HSPA5: variants seen among roughly 807,000 people sequenced by gnomAD.
HSPA5 encodes the protein heat shock protein family A (Hsp70) member 5.
A neutral mutation model predicts 49.5 loss-of-function variants in HSPA5; 16 were observed. The observed-to-expected ratio is 0.32, with a 90% CI of 0.22 to 0.49. The LOEUF (loss-of-function observed/expected upper bound fraction) is 0.49. HSPA5 is among the 20% of genes least tolerant of loss of function. HSPA5 has a pLI of 0.99. For missense variants in HSPA5, 376 were observed against 819.0 expected (o/e 0.46, Z 6.60); for synonymous variants, 271 against 307.2 (o/e 0.88, Z 1.23).
Position 125,237,130 on chromosome 9 carries a change from T to C in HSPA5, c.1427A>G (p.Asn476Ser). 1.9e-6 allele frequency: 3 copies of C among 1,608,538 alleles called. No individual in the cohort carries two copies. Among genetic ancestry groups the C allele is most frequent in the Non-Finnish European group, 2.5e-6 (3 of 1,176,998 alleles). Residue 476 changes from asparagine to serine, a missense_variant, in exon 8 of 8, where the codon AAT becomes AGT. Around this residue, in one of 8 missense-constraint regions of HSPA5, gnomAD observed 71 missense variants for 169.9 expected, o/e 0.42. Transcript: ENST00000324460. ...YEGERPLTKDNHLLGTFDLTG... is the reference protein window; with the variant it reads ...YEGERPLTKDSHLLGTFDLTG... ...CAGATCAAATGTACCCAGAAGATGA[T>C]TGTCTTTTGTCAGGGGTCTTTCACC... is the stretch of plus-strand genomic sequence containing the variant.
At position 125,236,633 on chromosome 9, in the gene HSPA5, G is replaced by T. The variant is rs757206987; in HGVS notation, c.1924C>A (p.Pro642Thr). Residue 642 changes from proline (P) to threonine (T), a missense_variant, in exon 8 of 8, where the codon CCA becomes ACA. By Grantham distance (38) the Pro-to-Thr change is conservative. This residue lies in a region of HSPA5 where 72 missense variants were observed against 87.8 expected (regional missense o/e 0.82). Transcript: ENST00000324460. ...SKLYGSAGPP[P>T]TGEEDTAEKD... ...TCTGCTGTATCCTCTTCACCAGTTG[G>T]GGGAGGGCCTGCACTTCCATAGAGT... 6.0e-5 allele frequency: 96 copies of T among 1,611,178 alleles called. 2 individuals are homozygous for T. The East Asian group carries it at 2.1e-3, about 36-fold the overall frequency.
At chr9:125,237,238 TAA>T (rs1832509466) in intron 7 of HSPA5, 84 bp from the exon 8 acceptor site, 1 of 1,006,484 alleles carries the variant, frequency 9.9e-7, no homozygotes, top group East Asian at 2.5e-5. Flanking sequence ...GTCTGAAGCA[TAA>T]AGTGACACTT....
Position 125,236,664 on chromosome 9 carries a change from G to A in HSPA5, c.1893C>T (p.Ile631=), listed in dbSNP as rs556708493. ...GGCCTGCACTTCCATAGAGTTTGCTGATAATTGGTTGAACAATTTCTTCCA... is the reference window on the plus strand; with the variant it reads ...GGCCTGCACTTCCATAGAGTTTGCTAATAATTGGTTGAACAATTTCTTCCA... ...KELEEIVQPI[I]SKLYGSAGPP... is the part of the protein sequence containing the mutation. Residue 631 remains isoleucine (I), a synonymous_variant, in exon 8 of 8, where the codon ATC becomes ATT. Transcript: ENST00000324460. 61 of 1,613,624 alleles carry A rather than the reference G, an allele frequency of 3.8e-5. No homozygotes were observed. In the South Asian group the frequency reaches 6.5e-4, roughly 17 times the overall value.
Position 125,240,924 on chromosome 9 carries a change from A to G in HSPA5, c.123-17T>C, listed in dbSNP as rs1186997170. On this transcript the variant is annotated splice_polypyrimidine_tract_variant and intron_variant, in intron 1 of 7. Transcript: ENST00000324460. The surrounding 1 kb of genome is among the most constrained non-coding windows in gnomAD (Gnocchi z 4.4). ...ACGCCGACGCTGGCAGAAAAACCCGACAGAGGGACATCAGCACCGCACTTC... is the reference window on the plus strand; with the variant it reads ...ACGCCGACGCTGGCAGAAAAACCCGGCAGAGGGACATCAGCACCGCACTTC... The G allele has an allele frequency of 6.2e-7, 1 of 1,613,502 alleles. No homozygotes were observed. Among genetic ancestry groups the G allele is most frequent in the South Asian group, 1.1e-5 (1 of 91,070 alleles).
rs370748231 is a variant in HSPA5 at position 125,239,944 on chromosome 9, G to A, written c.492+228C>T. ...TTAGTTTTTAAGCCAACTTATTGAT[G>A]AATACAACATATAAAATTTTATGTC... On this transcript the variant is annotated intron_variant, in intron 3 of 7. Transcript: ENST00000324460. The surrounding 1 kb of genome is among the most constrained non-coding windows in gnomAD (Gnocchi z 5.5). 3.3e-5 allele frequency among the ~76,000 whole-genome samples: 5 copies of A among 151,792 alleles called. No homozygotes were observed. In the South Asian group the frequency reaches 1.0e-3, roughly 32 times the overall value.
Position 125,240,972 on chromosome 9 carries a change from G to GC in HSPA5, c.122+32dup, listed in dbSNP as rs1554736420. 9.3e-6 allele frequency: 15 copies of GC among 1,611,496 alleles called. No homozygotes were observed. Among genetic ancestry groups the GC allele is most frequent in the Non-Finnish European group, 1.3e-5 (15 of 1,178,292 alleles). ...TTCTCACGCCAGGCCAGGCGGCCAC[G>GC]CCCCGTCCCCCTGCATCCGCAACCC... is the stretch of plus-strand genomic sequence containing the variant. On this transcript the variant is annotated intron_variant, in intron 1 of 7. Transcript: ENST00000324460. This position sits in a 1 kb window ranked among gnomAD's most constrained non-coding sequence, Gnocchi z 4.4.
chr9:125,240,442 A>G lies in HSPA5; in HGVS notation c.355-133T>C. On this transcript the variant is annotated intron_variant, in intron 2 of 7. Coordinates refer to ENST00000324460, the MANE Select transcript of HSPA5 (RefSeq NM_005347.5). This position sits in a 1 kb window ranked among gnomAD's most constrained non-coding sequence, Gnocchi z 4.4. Reference sequence around the variant, plus strand: ...CAAATTGACTAGAAATACTTCAGGGAGTATAGGTGTCTTACAAAGTTCAGT... The same window carrying G: ...CAAATTGACTAGAAATACTTCAGGGGGTATAGGTGTCTTACAAAGTTCAGT... 1.3e-6 allele frequency: 1 copy of G among 796,870 alleles called. No individual in the cohort carries two copies. Among genetic ancestry groups the G allele is most frequent in the Non-Finnish European group, 2.0e-6 (1 of 499,638 alleles). The allele number at this position is 796,870 out of a possible 1,614,324, so 49.4% of individuals were successfully genotyped here. A position where few individuals can be genotyped will look rare whatever the true frequency, so the allele number is the denominator to read the frequency against.
In HSPA5 at chr9:125,239,526, T is replaced by A; in HGVS notation, c.500A>T (p.His167Leu). The change falls in exon 4 of 8, where the codon CAT becomes CTT. Residue 167 changes from histidine (H) to leucine (L), a missense_variant. His to Leu is a moderately conservative substitution (Grantham distance 99, BLOSUM62 -3). Around this residue, in one of 8 missense-constraint regions of HSPA5, gnomAD observed 89 missense variants for 200.0 expected, o/e 0.44. Coordinates refer to ENST00000324460, the MANE Select transcript of HSPA5 (RefSeq NM_005347.5). The surrounding 1 kb of genome is among the most constrained non-coding windows in gnomAD (Gnocchi z 5.5). ...ATAGGCTGGTACAGTAACAACTGCA[T>A]GGGTAACCTAAAAGGATAAAAGATA... is the stretch of plus-strand genomic sequence containing the variant. ...AEAYLGKKVT[H>L]AVVTVPAYFN... The A allele has an allele frequency of 1.9e-6, 3 of 1,608,122 alleles. No individual in the cohort carries two copies. Among genetic ancestry groups the A allele is most frequent in the Non-Finnish European group, 2.6e-6 (3 of 1,174,556 alleles).
chr9:125,236,961 G>A lies in HSPA5; in HGVS notation c.1596C>T (p.Arg532=). 6.2e-7 allele frequency: 1 copy of A among 1,613,890 alleles called. No homozygotes were observed. Among genetic ancestry groups the A allele is most frequent in the Admixed American group, 1.7e-5 (1 of 59,998 alleles). The part of the protein sequence containing the change: ...NKITITNDQN[R]LTPEEIERMV... ...TCCTTTCGATTTCTTCAGGTGTCAG[G>A]CGATTCTGGTCATTGGTGATTGTGA... The change falls in exon 8 of 8, where the codon CGC becomes CGT. Residue 532 remains arginine, a synonymous_variant. Coordinates refer to ENST00000324460, the MANE Select transcript of HSPA5 (RefSeq NM_005347.5).
chr9:125,240,105 A>G lies in HSPA5; in HGVS notation c.492+67T>C. 3.7e-6 allele frequency: 5 copies of G among 1,347,088 alleles called. No individual in the cohort carries two copies. Among genetic ancestry groups the G allele is most frequent in the Non-Finnish European group, 5.1e-6 (5 of 972,696 alleles). The allele number at this position is 1,347,088 out of a possible 1,614,324, so 83.4% of individuals were successfully genotyped here. On this transcript the variant is annotated intron_variant, in intron 3 of 7. Coordinates refer to ENST00000324460, the MANE Select transcript of HSPA5 (RefSeq NM_005347.5). This position sits in a 1 kb window ranked among gnomAD's most constrained non-coding sequence, Gnocchi z 4.4. The stretch of plus-strand genomic sequence containing the variant: ...TTTGAAACCCTTCACGAAGGCTTCT[A>G]TACATAACAGCCAACCGAGAATACT...
At position 125,239,723 on chromosome 9, in the gene HSPA5, T is replaced by TAA. The variant is rs11432886; in HGVS notation, c.493-192_493-191dup. On this transcript the variant is annotated intron_variant, in intron 3 of 7. Transcript: ENST00000324460. The surrounding 1 kb of genome is among the most constrained non-coding windows in gnomAD (Gnocchi z 5.5). The stretch of plus-strand genomic sequence containing the variant: ...GAGAAACCCTGTCTCTACTGAAAAT[T>TAA]AAAAAAAAAAAAAAAAATTAGCCAG... 0.044 allele frequency among the ~76,000 whole-genome samples: 6,044 copies of TAA among 136,872 alleles called. 304 individuals are homozygous for TAA. Among genetic ancestry groups the TAA allele is most frequent in the African/African-American group, 0.11 (3,961 of 37,440 alleles). The allele number at this position is 136,872 out of a possible 152,430, so 89.8% of individuals were successfully genotyped here. A position where few individuals can be genotyped will look rare whatever the true frequency, so the allele number is the denominator to read the frequency against.
At chr9:125,238,079 G>A (rs989421208) in intron 7 of HSPA5, 62 bp downstream of exon 7, 21 of 1,347,666 alleles carry the variant, frequency 1.6e-5, no homozygotes, top group Non-Finnish European at 2.2e-5. Flanking sequence ...TCCAGCCTGG[G>A]CAACAGAGCA....
Position 125,240,254 on chromosome 9 carries a change from G to T in HSPA5, c.410C>A (p.Thr137Lys). 1.2e-6 allele frequency: 2 copies of T among 1,611,466 alleles called. No homozygotes were observed. Among genetic ancestry groups the T allele is most frequent in the Non-Finnish European group, 1.7e-6 (2 of 1,178,032 alleles). Residue 137 changes from threonine to lysine, a missense_variant, in exon 3 of 8, where the codon ACA becomes AAA. Thr to Lys is a moderately conservative substitution (Grantham distance 78). Transcript: ENST00000324460. This position sits in a 1 kb window ranked among gnomAD's most constrained non-coding sequence, Gnocchi z 4.4. ...AATTTCTTCAGGAGCAAATGTCTTT[G>T]TTTGCCCACCTCCAATATCAACTTG... ...YIQVDIGGGQ[T>K]KTFAPEEISA...
rs767220151 is a variant in HSPA5, at chr9:125,236,904, T to C, written c.1653A>G (p.Glu551=). The C allele has an allele frequency of 2.5e-6, 4 of 1,613,880 alleles. No homozygotes were observed. The highest frequency in any genetic ancestry group is 4.5e-5 in the East Asian group (2 of 44,900). The change falls in exon 8 of 8, where the codon GAA becomes GAG. Residue 551 remains glutamate, a synonymous_variant. Coordinates refer to ENST00000324460, the MANE Select transcript of HSPA5 (RefSeq NM_005347.5). ...CAATGCGCTCCTTGAGCTTTTTGTCTTCCTCAGCAAACTTCTCAGCATCAT... is the reference window on the plus strand; with the variant it reads ...CAATGCGCTCCTTGAGCTTTTTGTCCTCCTCAGCAAACTTCTCAGCATCAT... The part of the protein sequence containing the change: ...MVNDAEKFAE[E]DKKLKERIDT...
rs769101060 is a variant in HSPA5, at chr9:125,240,709, A to C, written c.321T>G (p.Ser107=). 1 of 1,614,202 alleles carries C rather than the reference A, an allele frequency of 6.2e-7. No homozygotes were observed. Among genetic ancestry groups the C allele is most frequent in the Non-Finnish European group, 8.5e-7 (1 of 1,180,012 alleles). ...GCAAGAACTTGATGTCCTGCTGCAC[A>C]GACGGGTCATTCCACGTGCGGCCGA... ...RLIGRTWNDP[S]VQQDIKFLPF... Residue 107 remains serine, a synonymous_variant, in exon 2 of 8, where the codon TCT becomes TCG. Coordinates refer to ENST00000324460, the MANE Select transcript of HSPA5 (RefSeq NM_005347.5). This position sits in a 1 kb window ranked among gnomAD's most constrained non-coding sequence, Gnocchi z 4.4.
Position 125,237,128 on chromosome 9 carries a change from G to T in HSPA5, c.1429C>A (p.His477Asn), listed in dbSNP as rs936657160. ...GTCAGATCAAATGTACCCAGAAGATGATTGTCTTTTGTCAGGGGTCTTTCA... is the reference window on the plus strand; with the variant it reads ...GTCAGATCAAATGTACCCAGAAGATTATTGTCTTTTGTCAGGGGTCTTTCA... Reference protein sequence around the residue: ...EGERPLTKDNHLLGTFDLTGI... With the variant: ...EGERPLTKDNNLLGTFDLTGI... Residue 477 changes from histidine to asparagine, a missense_variant, in exon 8 of 8, where the codon CAT (histidine) becomes AAT (asparagine). Coordinates refer to ENST00000324460, the MANE Select transcript of HSPA5 (RefSeq NM_005347.5). The T allele has an allele frequency of 1.9e-6, 3 of 1,608,860 alleles. No homozygotes were observed. The African/African-American group carries it at 4.0e-5, about 22-fold the overall frequency.
chr9:125,241,104 G>A lies in HSPA5; in HGVS notation c.23C>T (p.Ala8Val). 1 of 1,612,780 alleles carries A rather than the reference G, an allele frequency of 6.2e-7. No homozygotes were observed. Among genetic ancestry groups the A allele is most frequent in the Non-Finnish European group, 8.5e-7 (1 of 1,179,650 alleles). Residue 8 changes from alanine to valine, a missense_variant, in exon 1 of 8, where the codon GCG becomes GTG. Coordinates refer to ENST00000324460, the MANE Select transcript of HSPA5 (RefSeq NM_005347.5). MKLSLVAAMLLLLSAARA... is the reference protein window; with the variant it reads MKLSLVAVMLLLLSAARA... ...CGCCGCGCTGAGCAGCAGCAGCATC[G>A]CGGCCACCAGGGAGAGCTTCATCTT...
At position 125,241,176 on chromosome 9, in the gene HSPA5, A is replaced by G; in HGVS notation, c.-50T>C. ...AGGCAGTCCAGCCACAGGCCGTAGCACAGGAGCACAGCGCAATTTCCGACT... is the reference window on the plus strand; with the variant it reads ...AGGCAGTCCAGCCACAGGCCGTAGCGCAGGAGCACAGCGCAATTTCCGACT... On this transcript the variant is annotated 5_prime_UTR_variant, in exon 1 of 8. Coordinates refer to ENST00000324460, the MANE Select transcript of HSPA5 (RefSeq NM_005347.5). The G allele has an allele frequency of 6.4e-7, 1 of 1,564,178 alleles. No homozygotes were observed. Among genetic ancestry groups the G allele is most frequent in the East Asian group, 2.2e-5 (1 of 44,448 alleles).
rs201563180 is a variant in HSPA5, at chr9:125,236,568, A to G, written c.*24T>C. 2.8e-4 allele frequency: 425 copies of G among 1,497,352 alleles called. 1 individual carries two copies. The African/African-American group carries it at 5.6e-3, about 20-fold the overall frequency. The allele number at this position is 1,497,352 out of a possible 1,614,324, so 92.8% of individuals were successfully genotyped here. On this transcript the variant is annotated 3_prime_UTR_variant, in exon 8 of 8. Transcript: ENST00000324460. ...AGTTCCTGAGTCCAGTATTTACAAT[A>G]TTACAGCACTAGCAGATCAGTGTCT...
Sources: allele counts gnomAD v4.1 joint callset (sites outside exome capture counted in the v4.1 genomes callset), GRCh38; gene constraint gnomAD v4.1.1; regional missense constraint gnomAD v4.1.1; non-coding constraint Gnocchi (gnomAD v3.1); transcripts MANE v1.5; gene names NCBI Gene and HGNC (gene_info 2026-07-23, HGNC 2026-07-21).